The following FAAH2 variants were observed in gnomAD, a reference collection of about 807,000 sequenced individuals.
The protein encoded by FAAH2 is fatty-acid amide hydrolase 2.
FAAH2 carries 60 observed loss-of-function variants against 36.9 expected under a neutral mutation model. That is an observed-to-expected ratio of 1.63 (90% confidence interval 1.32 to 2.02). The LOEUF (loss-of-function observed/expected upper bound fraction) is 2.02, where lower values mean the gene tolerates loss of function less well. Ranked by LOEUF, FAAH2 falls within the 30% of genes most tolerant of loss-of-function variation. The pLI is 0.00. For synonymous variants in FAAH2, 214 were observed against 143.8 expected, an observed-to-expected ratio of 1.49 and a Z score of -3.49; for missense variants, 689 against 397.5, an observed-to-expected ratio of 1.73 and a Z score of -6.23.
chrX:57,379,813 A>ATT lies in FAAH2; in HGVS notation c.878+1040_878+1041dup, dbSNP rs34967842. On this transcript the variant is annotated intron_variant, in intron 6 of 10. Coordinates refer to ENST00000374900, the MANE Select transcript of FAAH2 (RefSeq NM_174912.4). ...AAATTATTCTTGCCAAAGTCCCTGA[A>ATT]TTTTTTTTTTTTTTGCATTTTTGCT... is the stretch of plus-strand genomic sequence containing the variant. Among the ~76,000 whole-genome samples the ATT allele has an allele frequency of 7.0e-3, 707 of 101,585 alleles. 5 individuals carry two copies. Among genetic ancestry groups the ATT allele is most frequent in the South Asian group, 0.027 (61 of 2,241 alleles). 88.2% of individuals were successfully genotyped at this position (101,585 alleles called of 115,157 possible).
the FAAH2 span, chrX:57,136,920 C>T: frequency 1.3e-6 from 1 of 747,958 alleles, no homozygotes. Context: ...CTCCCAATCC[C>T]CTGCAAAGCG....
At chrX:57,450,587 C>G (rs1216625856) in intron 10 of FAAH2, among the ~76,000 whole-genome samples, 7 of 111,443 alleles carry the variant, frequency 6.3e-5, no homozygotes, top group African/African-American at 9.8e-5. Context: ...TGTTGGATGC[C>G]AAATAGGTTA....
At chrX:57,285,875 A>C (rs1397396487), upstream of FAAH2, among the ~76,000 whole-genome samples, 6 of 112,131 alleles carry the variant, frequency 5.4e-5, no homozygotes. Context: ...TCTATAAATA[A>C]AGGCAGAGTG....
intron 5 of FAAH2, among the ~76,000 whole-genome samples, chrX:57,351,579 T>C (rs899021393): frequency 3.0e-4 from 33 of 110,284 alleles, no homozygotes; most frequent in African/African-American, 1.0e-3. Flanking sequence ...ATTGATCAAC[T>C]GTGAGCTAAG....
the FAAH2 span, among the ~76,000 whole-genome samples, chrX:57,272,966 G>A: frequency 8.0e-5 from 9 of 111,847 alleles, no homozygotes; most frequent in Non-Finnish European, 7.5e-5. Context: ...ACACAGACTG[G>A]CAAATTGGAT....
intron 5 of FAAH2, among the ~76,000 whole-genome samples, chrX:57,342,268 A>T (rs1017906092): frequency 3.6e-5 from 4 of 111,581 alleles, no homozygotes; most frequent in Middle Eastern, 4.6e-3. Flanking sequence ...TAACGCAGGA[A>T]CAGAAAACCA....
chrX:57,330,752 G>A (rs986165579), intron 3 of FAAH2, among the ~76,000 whole-genome samples: 2 of 111,411 alleles, frequency 1.8e-5, no homozygotes, highest in Admixed American at 9.5e-5. Context: ...TTCTCAAACT[G>A]GCTGATGCTT....
At chrX:57,250,622 T>C in the FAAH2 span, among the ~76,000 whole-genome samples, 1 of 110,851 alleles carries the variant, frequency 9.0e-6, no homozygotes, top group South Asian at 3.7e-4. Flanking sequence ...ACACCATTAA[T>C]ATATATAATT....
chrX:57,448,625 G>C lies in FAAH2; in HGVS notation c.1330G>C (p.Gly444Arg), dbSNP rs1457270892. ...SLRKELVDML[G>R]DDGVFLYPSH... Reference sequence around the variant, plus strand: ...GCGTAAAGAGCTGGTGGATATGCTAGGTGATGATGGTGTGTTCTTATATCC... The same window carrying C: ...GCGTAAAGAGCTGGTGGATATGCTACGTGATGATGGTGTGTTCTTATATCC... Residue 444 changes from glycine (G) to arginine (R), a missense_variant, in exon 10 of 11, where the codon GGT (glycine) becomes CGT (arginine). Transcript: ENST00000374900. 1 of 1,211,266 alleles carries C rather than the reference G, an allele frequency of 8.3e-7. No individual in the cohort carries two copies. The highest frequency in any genetic ancestry group is 1.8e-5 in the South Asian group (1 of 56,950).
the FAAH2 span, among the ~76,000 whole-genome samples, chrX:57,225,011 G>A: frequency 1.8e-5 from 2 of 111,982 alleles, no homozygotes; most frequent in East Asian, 2.8e-4. Flanking sequence ...TTCTCTGTGA[G>A]GTTATTTGGA....
At chrX:57,459,793 C>A (rs187981234) in intron 10 of FAAH2, among the ~76,000 whole-genome samples, 79 of 111,887 alleles carry the variant, frequency 7.1e-4, no homozygotes, top group African/African-American at 2.5e-3. Flanking sequence ...AAGAAAGCAA[C>A]AACATCAACA....
At chrX:57,161,066 T>C in the FAAH2 span, among the ~76,000 whole-genome samples, 1 of 112,061 alleles carries the variant, frequency 8.9e-6, no homozygotes, top group Non-Finnish European at 1.9e-5. Flanking sequence ...TGTGTCTTTG[T>C]TCTTGTTTGT....
chrX:57,421,246 C>G (rs1446910287), intron 7 of FAAH2, among the ~76,000 whole-genome samples: 2 of 111,641 alleles, frequency 1.8e-5, no homozygotes, highest in Non-Finnish European at 3.8e-5. Flanking sequence ...GAGTCTGAGA[C>G]CAGCCTAACC....
chrX:57,477,471 G>T (rs886687022), intron 10 of FAAH2, among the ~76,000 whole-genome samples: 1 of 110,359 alleles, frequency 9.1e-6, no homozygotes, highest in African/African-American at 3.3e-5. Flanking sequence ...TTTGTTTATT[G>T]CTATGTTCTA....
chrX:57,139,442 C>T, the FAAH2 span, among the ~76,000 whole-genome samples: 5 of 110,931 alleles, frequency 4.5e-5, no homozygotes, highest in Non-Finnish European at 9.5e-5. Context: ...TTTTGGTTAC[C>T]ACAGGTTTTT....
chrX:57,124,796 C>T, the FAAH2 span, among the ~76,000 whole-genome samples: 1 of 111,907 alleles, frequency 8.9e-6, no homozygotes, highest in Admixed American at 9.4e-5. Flanking sequence ...CATGATTTGG[C>T]TCCCTGTTTG....
the FAAH2 span, chrX:57,137,615 T>G: frequency 1.8e-5 from 2 of 113,704 alleles, no homozygotes; most frequent in Non-Finnish European, 1.9e-5. Flanking sequence ...TTGGGGCCCC[T>G]CCTGGGCTCC....
the FAAH2 span, among the ~76,000 whole-genome samples, chrX:57,149,737 A>AT: frequency 1.3e-3 from 142 of 108,544 alleles, no homozygotes; most frequent in Non-Finnish European, 1.8e-3. Flanking sequence ...TTTTGAAGGG[A>AT]TTTTTTTTTG....
chrX:57,220,183 C>A, the FAAH2 span, among the ~76,000 whole-genome samples: 7 of 108,973 alleles, frequency 6.4e-5, no homozygotes, highest in Admixed American at 3.9e-4. Flanking sequence ...CCACCCCTCC[C>A]AGCCCCTACC....
Sources: allele counts gnomAD v4.1 joint callset (sites outside exome capture counted in the v4.1 genomes callset), GRCh38; gene constraint gnomAD v4.1.1; transcripts MANE v1.5; gene names NCBI Gene and HGNC (gene_info 2026-07-23, HGNC 2026-07-21).